The following PCDH9 variants were observed in gnomAD, a reference collection of about 807,000 sequenced individuals.
PCDH9 encodes protocadherin 9.
Under a neutral mutation model 70.6 loss-of-function variants are expected in PCDH9, and 24 were observed. The observed-to-expected ratio is 0.34, with a 90% CI of 0.25 to 0.48. The LOEUF is 0.48. PCDH9 is among the 20% of genes least tolerant of loss of function. The pLI is 0.99. For missense variants in PCDH9, 1,281 were observed against 1,503.6 expected (o/e 0.85, Z 2.45); for synonymous variants, 562 against 558.5 (o/e 1.01, Z -0.09).
intron 2 of PCDH9, among the ~76,000 whole-genome samples, chr13:67,046,272 A>C (rs1445096162): frequency 6.6e-6 from 1 of 152,202 alleles, no homozygotes; most frequent in Non-Finnish European, 1.5e-5. Context: ...TTTTACACTC[A>C]GTTTTAAGTG....
chr13:66,558,846 C>T (rs555390069), intron 4 of PCDH9, among the ~76,000 whole-genome samples: 4 of 152,208 alleles, frequency 2.6e-5, no homozygotes, highest in Admixed American at 1.3e-4. Context: ...TTCCTTAAGT[C>T]GTTCCTAGGA....
At chr13:66,498,904 A>T (rs1326045415) in intron 4 of PCDH9, among the ~76,000 whole-genome samples, 1 of 151,740 alleles carries the variant, frequency 6.6e-6, no homozygotes, top group Non-Finnish European at 1.5e-5. Context: ...TTGAAATACA[A>T]GACCAGAACA....
intron 4 of PCDH9, among the ~76,000 whole-genome samples, chr13:66,324,643 A>G (rs1036863013): frequency 1.3e-5 from 2 of 152,106 alleles, no homozygotes; most frequent in South Asian, 4.1e-4. Context: ...ATGTAATAAA[A>G]CATTTGAAAA....
intron 3 of PCDH9, among the ~76,000 whole-genome samples, chr13:66,696,889 C>A (rs1225668169): frequency 6.7e-6 from 1 of 148,500 alleles, no homozygotes; most frequent in Non-Finnish European, 1.5e-5. Context: ...TTGCTTGAGT[C>A]CAGGAGTTCA....
At chr13:66,363,953 G>C (rs1455197165) in intron 4 of PCDH9, among the ~76,000 whole-genome samples, 1 of 151,990 alleles carries the variant, frequency 6.6e-6, no homozygotes, top group African/African-American at 2.4e-5. Flanking sequence ...TCAGGAGTTC[G>C]AGACCAGCCT....
chr13:66,882,776 G>A (rs2081942655), intron 3 of PCDH9, among the ~76,000 whole-genome samples: 1 of 152,114 alleles, frequency 6.6e-6, no homozygotes, highest in South Asian at 2.1e-4. Context: ...CTTTATAGGA[G>A]GATGTTTACA....
chr13:66,347,256 T>C (rs1956225140), intron 4 of PCDH9, among the ~76,000 whole-genome samples: 1 of 152,224 alleles, frequency 6.6e-6, no homozygotes, highest in African/African-American at 2.4e-5. Context: ...GCAAATAGAA[T>C]GCACTAGTAT....
chr13:67,082,243 C>A (rs1376698489), intron 2 of PCDH9, among the ~76,000 whole-genome samples: 3 of 152,132 alleles, frequency 2.0e-5, no homozygotes, highest in Admixed American at 1.3e-4. Flanking sequence ...CCAACACCTC[C>A]CTACTTCCTC....
chr13:67,046,409 T>C (rs2085222655), intron 2 of PCDH9, among the ~76,000 whole-genome samples: 2 of 152,162 alleles, frequency 1.3e-5, no homozygotes, highest in South Asian at 4.1e-4. Flanking sequence ...TAAAGCTGAG[T>C]AACATCTTAA....
intron 2 of PCDH9, among the ~76,000 whole-genome samples, chr13:67,009,383 T>C (rs1410495661): frequency 1.3e-5 from 2 of 152,132 alleles, no homozygotes; most frequent in East Asian, 3.8e-4. Flanking sequence ...GTGGGTTTAT[T>C]GGGAAATTGA....
chr13:66,990,438 A>AT (rs1298381534), intron 2 of PCDH9, among the ~76,000 whole-genome samples: 3 of 151,430 alleles, frequency 2.0e-5, no homozygotes, highest in Non-Finnish European at 3.0e-5. Flanking sequence ...ACATATACAT[A>AT]TACATATAGG....
intron 4 of PCDH9, among the ~76,000 whole-genome samples, chr13:66,371,047 C>A (rs1373622228): frequency 2.6e-5 from 4 of 151,914 alleles, no homozygotes; most frequent in Non-Finnish European, 5.9e-5. Flanking sequence ...ACTTAATGAG[C>A]TTTGAGGGAA....
chr13:66,452,424 A>G (rs182302447), intron 4 of PCDH9, among the ~76,000 whole-genome samples: 2 of 152,170 alleles, frequency 1.3e-5, no homozygotes, highest in Admixed American at 1.3e-4. Context: ...CCAAACTCAA[A>G]ATTTTGGATG....
Position 67,226,554 on chromosome 13 carries a change from T to C in PCDH9, c.1887A>G (p.Ser629=), listed in dbSNP as rs750755810. 3.1e-6 allele frequency: 5 copies of C among 1,613,818 alleles called. No homozygotes were observed. In the South Asian group the frequency reaches 5.5e-5, roughly 18 times the overall value. The change falls in exon 2 of 5, where the codon TCA becomes TCG. Residue 629 remains serine (S), a synonymous_variant. Transcript: ENST00000377865. This position sits in a 1 kb window ranked among gnomAD's most constrained non-coding sequence, Gnocchi z 5.0. ...GCTGCTCTCTATCAAATGAGACATT[T>C]GACTTTATGACTCCAGAATAGGGAT... ...VLDPYSGVIK[S]NVSFDREQQS...
intron 2 of PCDH9, among the ~76,000 whole-genome samples, chr13:66,918,997 C>G (rs1204322717): frequency 6.6e-6 from 1 of 151,096 alleles, no homozygotes; most frequent in African/African-American, 2.4e-5. Flanking sequence ...TTCTTTTTTT[C>G]TTCCAGAATG....
chr13:67,187,428 T>A (rs1426836816), intron 2 of PCDH9, among the ~76,000 whole-genome samples: 2 of 152,130 alleles, frequency 1.3e-5, no homozygotes, highest in Admixed American at 1.3e-4. Context: ...GAGGATTAGC[T>A]AGTGGGTTTC....
At position 66,473,969 on chromosome 13, in the gene PCDH9, G is replaced by A. The variant is rs114160381; in HGVS notation, c.3340+157241C>T. ...CCTTAATTCTTTGATCTTGATATGT[G>A]TATAGCAACAATAAACTTTTAATTT... On this transcript the variant is annotated intron_variant, in intron 4 of 4. Coordinates refer to ENST00000377865, the MANE Select transcript of PCDH9 (RefSeq NM_203487.3). 3.4e-3 allele frequency among the ~76,000 whole-genome samples: 510 copies of A among 152,214 alleles called. 6 individuals carry two copies. Among genetic ancestry groups the A allele is most frequent in the African/African-American group, 0.012 (493 of 41,550 alleles).
At chr13:66,680,489 C>T (rs1018466965) in intron 3 of PCDH9, among the ~76,000 whole-genome samples, 17 of 151,946 alleles carry the variant, frequency 1.1e-4, no homozygotes, top group Admixed American at 3.9e-4. Context: ...AATTTAAAGA[C>T]AACATTGTAT....
intron 3 of PCDH9, among the ~76,000 whole-genome samples, chr13:66,869,420 T>C (rs1367471895): frequency 6.6e-6 from 1 of 152,068 alleles, no homozygotes; most frequent in Non-Finnish European, 1.5e-5. Context: ...CTTTTTCTCT[T>C]CTCTTTGAAG....
Sources: gnomAD v4.1 joint callset for allele counts (sites outside exome capture counted in the v4.1 genomes callset) on GRCh38, gnomAD v4.1.1 for gene constraint, Gnocchi (gnomAD v3.1) non-coding constraint, MANE v1.5 for transcripts, NCBI Gene and HGNC (gene_info 2026-07-23, HGNC 2026-07-21) for gene names.